YAP1: variants seen among roughly 807,000 people sequenced by gnomAD.
The protein encoded by YAP1 is transcriptional coactivator YAP1.
YAP1 carries 5 observed loss-of-function variants against 56.9 expected under a neutral mutation model. The ratio of observed to expected loss-of-function variants is 0.09; its 90% confidence interval spans 0.05 to 0.18. The LOEUF (loss-of-function observed/expected upper bound fraction) is 0.18, where lower values mean the gene tolerates loss of function less well. Among genes scored for constraint, YAP1 ranks in the 10% least tolerant of loss-of-function variants. YAP1 has a pLI of 1.00. For synonymous variants in YAP1, 265 were observed against 248.1 expected, an observed-to-expected ratio of 1.07 and a Z score of -0.64; for missense variants, 539 against 651.8, an observed-to-expected ratio of 0.83 and a Z score of 1.88.
intron 2 of YAP1, among the ~76,000 whole-genome samples, chr11:102,117,239 A>G (rs1484544902): frequency 2.0e-5 from 3 of 152,164 alleles, no homozygotes; most frequent in African/African-American, 4.8e-5. Flanking sequence ...TGTAATCAAT[A>G]TTTATATACT....
rs1263358948 is a variant in YAP1, at chr11:102,232,841, A to G, written c.*2901A>G. 6.6e-6 allele frequency: 1 copy of G among 152,648 alleles called. No homozygotes were observed. The highest frequency in any genetic ancestry group is 1.5e-5 in the Non-Finnish European group (1 of 68,038). 9.5% of individuals were successfully genotyped at this position (152,648 alleles called of 1,614,324 possible). On this transcript the variant is annotated 3_prime_UTR_variant, in exon 9 of 9. Transcript: ENST00000282441. ...TTTGGAGTTTCAGATCTTCCAAAGC[A>G]CTATTTGTTGTAATAACTTTTCTAA...
At chr11:102,197,588 T>C (rs984937007) in intron 4 of YAP1, among the ~76,000 whole-genome samples, 2 of 152,196 alleles carry the variant, frequency 1.3e-5, no homozygotes, top group Admixed American at 1.3e-4. Flanking sequence ...TGCTCAGTCA[T>C]TGGTTTTCTA....
At chr11:102,199,241 A>G (rs1483435405) in intron 4 of YAP1, among the ~76,000 whole-genome samples, 1 of 152,224 alleles carries the variant, frequency 6.6e-6, no homozygotes. Flanking sequence ...GAGAAAACCA[A>G]GGATTAAGTG....
At chr11:102,175,561 G>C (rs1375436883) in intron 3 of YAP1, among the ~76,000 whole-genome samples, 1 of 152,114 alleles carries the variant, frequency 6.6e-6, no homozygotes, top group African/African-American at 2.4e-5. Context: ...CTGAGAAATG[G>C]GTTGCTGGGT....
chr11:102,179,107 T>C (rs1244808104), intron 3 of YAP1, among the ~76,000 whole-genome samples: 3 of 138,028 alleles, frequency 2.2e-5, no homozygotes, highest in African/African-American at 8.0e-5. Context: ...GGAATCCCAT[T>C]TCACTATGAA....
intron 2 of YAP1, among the ~76,000 whole-genome samples, chr11:102,157,707 C>A (rs1485220916): frequency 2.6e-5 from 4 of 152,172 alleles, no homozygotes; most frequent in African/African-American, 9.7e-5. Context: ...CACTTTTCTT[C>A]AGGGAAGTGG....
At chr11:102,125,326 T>G (rs926729358) in intron 2 of YAP1, among the ~76,000 whole-genome samples, 2 of 151,886 alleles carry the variant, frequency 1.3e-5, no homozygotes, top group Non-Finnish European at 2.9e-5. Flanking sequence ...CTGGCCTGAT[T>G]TTCTTTTTTC....
chr11:102,225,146 T>C (rs1036294916), intron 7 of YAP1, among the ~76,000 whole-genome samples: 2 of 151,328 alleles, frequency 1.3e-5, no homozygotes, highest in African/African-American at 4.9e-5. Context: ...CAGTTTCTAA[T>C]AATAACATAC....
At chr11:102,158,738 A>ATTAT in intron 2 of YAP1, among the ~76,000 whole-genome samples, 1 of 152,228 alleles carries the variant, frequency 6.6e-6, no homozygotes, top group Non-Finnish European at 1.5e-5. Context: ...TGCTTTCACA[A>ATTAT]ATTAGCATTA....
intron 4 of YAP1, among the ~76,000 whole-genome samples, chr11:102,188,360 G>A (rs932834593): frequency 1.3e-5 from 2 of 152,144 alleles, no homozygotes; most frequent in Non-Finnish European, 2.9e-5. Flanking sequence ...TAAGCCCCTA[G>A]AGAAGCTTAA....
rs1477074605 is a variant in YAP1, at chr11:102,205,156, T to A, written c.803-737T>A. The stretch of plus-strand genomic sequence containing the variant: ...GGTGTATTACAGCTTCAAAAAAAAA[T>A]TTTTTTTTTTTTACTACCTAGGCTT... On this transcript the variant is annotated intron_variant, in intron 4 of 8. Coordinates refer to ENST00000282441, the MANE Select transcript of YAP1 (RefSeq NM_001130145.3). 5.7e-4 allele frequency among the ~76,000 whole-genome samples: 16 copies of A among 28,106 alleles called. No individual in the cohort carries two copies. In the East Asian group the frequency reaches 0.021, roughly 37 times the overall value. The allele number at this position is 28,106 out of a possible 152,430, so 18.4% of individuals were successfully genotyped here. A position where few individuals can be genotyped will look rare whatever the true frequency, so the allele number is the denominator to read the frequency against.
intron 4 of YAP1, chr11:102,186,569 G>T (rs1458299611): frequency 6.0e-6 from 1 of 167,306 alleles, no homozygotes; most frequent in African/African-American, 2.4e-5. Context: ...ATGCCTGGGT[G>T]TTGTAGTGTT....
chr11:102,160,582 CTT>C (rs1946214144), intron 2 of YAP1, among the ~76,000 whole-genome samples: 1 of 152,136 alleles, frequency 6.6e-6, no homozygotes, highest in South Asian at 2.1e-4. Context: ...TAGTAGCAAA[CTT>C]ATCATTTTAG....
chr11:102,198,373 TAC>T (rs1948678705), intron 4 of YAP1, among the ~76,000 whole-genome samples: 2 of 152,218 alleles, frequency 1.3e-5, no homozygotes, highest in South Asian at 4.1e-4. Flanking sequence ...AAAGGATATT[TAC>T]CACTTTATTT....
At chr11:102,190,505 G>A (rs939541634) in intron 4 of YAP1, among the ~76,000 whole-genome samples, 3 of 151,748 alleles carry the variant, frequency 2.0e-5, no homozygotes, top group South Asian at 2.1e-4. Context: ...GGTGGTGCAC[G>A]CTTGTAGTCA....
chr11:102,199,301 A>G (rs992026390), intron 4 of YAP1, among the ~76,000 whole-genome samples: 3 of 152,190 alleles, frequency 2.0e-5, no homozygotes, highest in African/African-American at 7.2e-5. Context: ...TTTGACTCTA[A>G]AGGCTGTGTT....
intron 6 of YAP1, among the ~76,000 whole-genome samples, chr11:102,213,440 C>G (rs1305823800): frequency 1.3e-5 from 2 of 152,088 alleles, no homozygotes; most frequent in Admixed American, 6.5e-5. Flanking sequence ...GAGCCAAGAT[C>G]GTGGCATTGC....
chr11:102,151,824 C>T (rs1388817622), intron 2 of YAP1, among the ~76,000 whole-genome samples: 1 of 152,136 alleles, frequency 6.6e-6, no homozygotes, highest in Non-Finnish European at 1.5e-5. Flanking sequence ...AGTTCTGCCT[C>T]TACGACCCAT....
intron 4 of YAP1, among the ~76,000 whole-genome samples, chr11:102,191,323 C>T (rs935362146): frequency 3.3e-5 from 5 of 152,076 alleles, no homozygotes; most frequent in Non-Finnish European, 7.4e-5. Flanking sequence ...TGCCATAGCA[C>T]CACACAGCCA....
Sources: allele counts gnomAD v4.1 joint callset (sites outside exome capture counted in the v4.1 genomes callset), GRCh38; gene constraint gnomAD v4.1.1; transcripts MANE v1.5; gene names NCBI Gene and HGNC (gene_info 2026-07-23, HGNC 2026-07-21).